The following NREP variants were observed in gnomAD, a reference collection of about 807,000 sequenced individuals.
The protein encoded by NREP is neuronal regeneration-related protein.
In NREP, 5 loss-of-function variants were observed where a neutral mutation model predicts 8.6. The observed-to-expected ratio is 0.58, with a 90% CI of 0.30 to 1.22. The LOEUF (loss-of-function observed/expected upper bound fraction) is 1.22, where lower values mean the gene tolerates loss of function less well. Ranked by LOEUF, NREP falls within the 50% of genes most tolerant of loss-of-function variation. NREP has a pLI of 0.07. For missense variants in NREP, 86 were observed against 82.5 expected (o/e 1.04, Z -0.17); for synonymous variants, 27 against 28.0 (o/e 0.96, Z 0.11).
intron 2 of NREP, among the ~76,000 whole-genome samples, chr5:111,953,381 C>A (rs1480272895): frequency 6.6e-6 from 1 of 152,122 alleles, no homozygotes; most frequent in East Asian, 1.9e-4. Flanking sequence ...GGGTTTAGAA[C>A]CCTCTGAGGC....
intron 2 of NREP, among the ~76,000 whole-genome samples, chr5:111,932,726 C>A (rs1285524586): frequency 6.6e-6 from 1 of 152,028 alleles, no homozygotes; most frequent in Non-Finnish European, 1.5e-5. Context: ...ATATAAGACC[C>A]TGAATTAGCA....
chr5:111,942,671 T>TA (rs1755861802), intron 2 of NREP, among the ~76,000 whole-genome samples: 1 of 151,998 alleles, frequency 6.6e-6, no homozygotes, highest in African/African-American at 2.4e-5. Context: ...ATAATGATAC[T>TA]AAAAAACCCT....
intron 2 of NREP, among the ~76,000 whole-genome samples, chr5:111,889,650 A>G (rs1405879442): frequency 6.6e-6 from 1 of 152,198 alleles, no homozygotes. Flanking sequence ...TATGAAGTCA[A>G]AACAAGTTAT....
intron 2 of NREP, 24 bp from the exon 3 acceptor site, chr5:111,735,531 C>G: frequency 6.4e-7 from 1 of 1,555,660 alleles, no homozygotes; most frequent in Non-Finnish European, 8.9e-7. Context: ...AAAGCATACA[C>G]ATTCAGATTA....
chr5:111,852,023 G>A (rs1259223111), intron 2 of NREP, among the ~76,000 whole-genome samples: 1 of 152,146 alleles, frequency 6.6e-6, no homozygotes, highest in East Asian at 1.9e-4. Context: ...GTAGTAAGAG[G>A]CGGTGCCTTT....
intron 2 of NREP, among the ~76,000 whole-genome samples, chr5:111,954,958 G>T (rs1756266431): frequency 6.6e-6 from 1 of 152,154 alleles, no homozygotes. Flanking sequence ...GAGCAGGATG[G>T]GAGTTTGTTA....
chr5:111,862,000 T>A (rs1453889519), intron 2 of NREP, among the ~76,000 whole-genome samples: 1 of 152,222 alleles, frequency 6.6e-6, no homozygotes, highest in African/African-American at 2.4e-5. Flanking sequence ...TAAATACTTA[T>A]AAAACTTATT....
At chr5:111,841,998 A>G (rs372479062) in intron 2 of NREP, among the ~76,000 whole-genome samples, 14 of 152,154 alleles carry the variant, frequency 9.2e-5, no homozygotes, top group African/African-American at 3.4e-4. Flanking sequence ...GTGTGATTGT[A>G]TTTTTGTTAT....
At chr5:111,755,456 C>A (rs1581087384) in intron 2 of NREP, 3 of 346,010 alleles carry the variant, frequency 8.7e-6, no homozygotes, top group Non-Finnish European at 1.7e-5. Context: ...CACCTCCATG[C>A]GTGTCACAAC....
At chr5:111,800,383 G>T (rs1751976687) in intron 2 of NREP, among the ~76,000 whole-genome samples, 1 of 152,206 alleles carries the variant, frequency 6.6e-6, no homozygotes, top group Non-Finnish European at 1.5e-5. Flanking sequence ...CACTGACAGG[G>T]CCAGCTTCAT....
intron 2 of NREP, among the ~76,000 whole-genome samples, chr5:111,772,473 A>G (rs1751254677): frequency 6.6e-6 from 1 of 152,136 alleles, no homozygotes; most frequent in African/African-American, 2.4e-5. Flanking sequence ...GACCCAAGAA[A>G]TATTCCAGTT....
chr5:111,863,026 T>C (rs1227172476), intron 2 of NREP, among the ~76,000 whole-genome samples: 1 of 151,306 alleles, frequency 6.6e-6, no homozygotes, highest in Non-Finnish European at 1.5e-5. Flanking sequence ...TAGGGAATGG[T>C]ATGATCTGAT....
intron 2 of NREP, among the ~76,000 whole-genome samples, chr5:111,933,620 A>G (rs1755603346): frequency 6.6e-6 from 1 of 151,972 alleles, no homozygotes; most frequent in Admixed American, 6.6e-5. Context: ...TCACTCCCCA[A>G]ACTTTCAAAT....
intron 2 of NREP, among the ~76,000 whole-genome samples, chr5:111,885,477 T>G (rs1458523588): frequency 6.6e-6 from 1 of 152,056 alleles, no homozygotes; most frequent in African/African-American, 2.4e-5. Context: ...AAAAACTACT[T>G]TAAAGTTCAT....
intron 2 of NREP, among the ~76,000 whole-genome samples, chr5:111,819,967 T>C (rs1382771630): frequency 3.3e-5 from 5 of 152,156 alleles, no homozygotes; most frequent in South Asian, 4.1e-4. Flanking sequence ...TTTAAAAAAA[T>C]TGCCACAGAT....
intron 1 of NREP, among the ~76,000 whole-genome samples, chr5:111,975,624 CA>C (rs1463043697): frequency 6.6e-6 from 1 of 151,950 alleles, no homozygotes; most frequent in Non-Finnish European, 1.5e-5. Context: ...AGGTGTTTGA[CA>C]AAGAAAATGG....
chr5:111,893,970 C>A (rs1296908237), intron 2 of NREP, among the ~76,000 whole-genome samples: 1 of 152,074 alleles, frequency 6.6e-6, no homozygotes, highest in Non-Finnish European at 1.5e-5. Context: ...GTAATCCCAG[C>A]ACCTTGGGAG....
chr5:111,928,335 GT>G (rs143716680), intron 2 of NREP, among the ~76,000 whole-genome samples: 5,554 of 151,956 alleles, frequency 0.037, 327 homozygotes, highest in African/African-American at 0.13. Context: ...TTCTGATTTA[GT>G]TTTTTTAATT....
intron 2 of NREP, among the ~76,000 whole-genome samples, chr5:111,878,523 C>T (rs768129504): frequency 3.9e-5 from 6 of 152,084 alleles, no homozygotes; most frequent in Admixed American, 6.5e-5. Context: ...TCCCTTGACA[C>T]GTGGGGATTA....
Sources: gnomAD v4.1 joint callset for allele counts (sites outside exome capture counted in the v4.1 genomes callset) on GRCh38, gnomAD v4.1.1 for gene constraint, MANE v1.5 for transcripts, NCBI Gene and HGNC (gene_info 2026-07-23, HGNC 2026-07-21) for gene names.